CTNNBL1: variants seen among roughly 807,000 people sequenced by gnomAD.
CTNNBL1 encodes the protein beta-catenin-like protein 1.
In CTNNBL1, 31 loss-of-function variants were observed where a neutral mutation model predicts 72.7. That is an observed-to-expected ratio of 0.43 (90% CI 0.32 to 0.58). The LOEUF is 0.58. Among genes scored for constraint, CTNNBL1 ranks in the 20% least tolerant of loss-of-function variants. The pLI, the probability that CTNNBL1 is intolerant of heterozygous loss-of-function variation, is 0.08. For synonymous variants in CTNNBL1, 240 were observed against 267.3 expected (o/e 0.90, Z 1.00); for missense variants, 534 against 725.1 (o/e 0.74, Z 3.03).
intron 15 of CTNNBL1, among the ~76,000 whole-genome samples, chr20:37,868,670 G>A (rs913436048): frequency 6.6e-6 from 1 of 152,200 alleles, no homozygotes; most frequent in Non-Finnish European, 1.5e-5. Flanking sequence ...TGGGTGCTCT[G>A]TGTACCGTCG....
intron 3 of CTNNBL1, among the ~76,000 whole-genome samples, chr20:37,746,066 G>A (rs2073259306): frequency 6.6e-6 from 1 of 152,200 alleles, no homozygotes. Flanking sequence ...TTGATCTGAA[G>A]TGGGAAGTAA....
intron 1 of CTNNBL1, among the ~76,000 whole-genome samples, chr20:37,697,187 GAAAA>G (rs960227780): frequency 7.0e-6 from 1 of 142,868 alleles, no homozygotes; most frequent in African/African-American, 2.6e-5. Context: ...CTCTCTCAAA[GAAAA>G]AAAAAAAGAA....
chr20:37,837,870 T>C (rs962518689), intron 11 of CTNNBL1, among the ~76,000 whole-genome samples: 1 of 152,214 alleles, frequency 6.6e-6, no homozygotes, highest in Admixed American at 6.5e-5. Flanking sequence ...ACTTAAAATA[T>C]CTGCCTTCAG....
At chr20:37,799,789 C>T (rs1386985459) in intron 10 of CTNNBL1, among the ~76,000 whole-genome samples, 2 of 152,034 alleles carry the variant, frequency 1.3e-5, no homozygotes, top group Non-Finnish European at 2.9e-5. Flanking sequence ...ATTTGTGAAT[C>T]TTTGTATTGT....
chr20:37,861,818 G>C (rs1024597732), intron 15 of CTNNBL1, among the ~76,000 whole-genome samples: 2 of 152,216 alleles, frequency 1.3e-5, no homozygotes, highest in African/African-American at 2.4e-5. Flanking sequence ...GTGAACGTTA[G>C]TGTGAGTGTT....
At position 37,710,664 on chromosome 20, in the gene CTNNBL1, G is replaced by C. The variant is rs137972759; in HGVS notation, c.30+16512G>C. ...AGTGAAACTACCACTCACAAATAGG[G>C]GCTTAACCTGGCCTTCTGTGGGGTG... is the stretch of plus-strand genomic sequence containing the variant. On this transcript the variant is annotated intron_variant, in intron 1 of 15. Transcript: ENST00000361383. 2.6e-3 allele frequency among the ~76,000 whole-genome samples: 401 copies of C among 152,118 alleles called. 2 individuals carry two copies. Among genetic ancestry groups the C allele is most frequent in the African/African-American group, 8.9e-3 (371 of 41,474 alleles).
chr20:37,722,744 T>C (rs914061613), intron 1 of CTNNBL1, among the ~76,000 whole-genome samples: 1 of 152,220 alleles, frequency 6.6e-6, no homozygotes, highest in African/African-American at 2.4e-5. Flanking sequence ...GTCATGTGGC[T>C]CTTAAGTGAT....
intron 1 of CTNNBL1, among the ~76,000 whole-genome samples, chr20:37,706,989 A>G (rs1344636604): frequency 6.6e-6 from 1 of 152,194 alleles, no homozygotes; most frequent in Non-Finnish European, 1.5e-5. Context: ...GGCAATGAAC[A>G]GTAATATTTT....
intron 13 of CTNNBL1, among the ~76,000 whole-genome samples, chr20:37,859,561 G>C (rs2072471877): frequency 6.6e-6 from 1 of 151,128 alleles, no homozygotes; most frequent in Non-Finnish European, 1.5e-5. Context: ...AGTGAAAAAT[G>C]AGTGGAAGCA....
chr20:37,788,512 G>A (rs2073697578), intron 10 of CTNNBL1, among the ~76,000 whole-genome samples: 1 of 152,134 alleles, frequency 6.6e-6, no homozygotes, highest in Admixed American at 6.5e-5. Context: ...AAATTTTTCA[G>A]TGCATGGAAA....
At chr20:37,767,325 T>G (rs780802543) in intron 6 of CTNNBL1, among the ~76,000 whole-genome samples, 4 of 152,218 alleles carry the variant, frequency 2.6e-5, no homozygotes, top group Non-Finnish European at 5.9e-5. Flanking sequence ...TAATTTTTAA[T>G]TTTTCTATTA....
intron 13 of CTNNBL1, among the ~76,000 whole-genome samples, chr20:37,851,278 A>T (rs2072394666): frequency 6.6e-6 from 1 of 151,878 alleles, no homozygotes; most frequent in Admixed American, 6.6e-5. Context: ...GCCCTCTCTT[A>T]TGGAATGAAC....
chr20:37,777,190 T>A, intron 7 of CTNNBL1, 155 bp from the exon 8 acceptor site: 1 of 603,016 alleles, frequency 1.7e-6, no homozygotes, highest in Non-Finnish European at 3.0e-6. Flanking sequence ...TCTGGTCTCT[T>A]GAGAGCAGAG....
intron 5 of CTNNBL1, among the ~76,000 whole-genome samples, chr20:37,758,858 A>G (rs2073389175): frequency 6.6e-6 from 1 of 152,200 alleles, no homozygotes; most frequent in South Asian, 2.1e-4. Context: ...CCCAAGACCC[A>G]CTGAATCAGA....
chr20:37,852,120 T>C (rs7270442), intron 13 of CTNNBL1, among the ~76,000 whole-genome samples: 2,190 of 152,358 alleles, frequency 0.014, 49 homozygotes, highest in African/African-American at 0.05. Context: ...CTTCAGGCTC[T>C]TCAAAGGTGA....
At chr20:37,734,873 A>G (rs950563828) in intron 2 of CTNNBL1, among the ~76,000 whole-genome samples, 5 of 152,210 alleles carry the variant, frequency 3.3e-5, no homozygotes, top group African/African-American at 1.2e-4. Flanking sequence ...TAAAGGAGGG[A>G]AGGCCAAACC....
At chr20:37,848,761 CCT>C (rs2072368970) in intron 13 of CTNNBL1, among the ~76,000 whole-genome samples, 1 of 152,116 alleles carries the variant, frequency 6.6e-6, no homozygotes, top group African/African-American at 2.4e-5. Context: ...CCTTCCTGAT[CCT>C]CTCTGTCCTC....
At chr20:37,737,587 A>G (rs1263798027) in intron 3 of CTNNBL1, 103 bp downstream of exon 3, 4 of 701,204 alleles carry the variant, frequency 5.7e-6, no homozygotes, top group South Asian at 1.9e-5. Context: ...TGGGCCAGGA[A>G]TCCCAGGATG....
chr20:37,804,543 A>G (rs2071935771), intron 11 of CTNNBL1, among the ~76,000 whole-genome samples: 1 of 152,182 alleles, frequency 6.6e-6, no homozygotes, highest in African/African-American at 2.4e-5. Flanking sequence ...AGATGAGGGA[A>G]GTGGACTAGT....
Sources: allele counts gnomAD v4.1 joint callset (sites outside exome capture counted in the v4.1 genomes callset), GRCh38; gene constraint gnomAD v4.1.1; transcripts MANE v1.5; gene names NCBI Gene and HGNC (gene_info 2026-07-23, HGNC 2026-07-21).